Variants in FTO observed in about 807,000 individuals in gnomAD.
FTO encodes FTO alpha-ketoglutarate dependent dioxygenase, also known as alpha-ketoglutarate-dependent dioxygenase FTO.
In FTO, 47 loss-of-function variants were observed where a neutral mutation model predicts 63.9. The observed-to-expected ratio is 0.74, with a 90% confidence interval of 0.58 to 0.94. The LOEUF (loss-of-function observed/expected upper bound fraction) is 0.94. Among genes scored for constraint, FTO ranks in the 40% least tolerant of loss-of-function variants. FTO has a pLI of 0.00. For missense variants in FTO, 562 were observed against 618.1 expected (o/e 0.91, Z 0.96); for synonymous variants, 207 against 224.4 (o/e 0.92, Z 0.69).
At position 53,707,261 on chromosome 16, in the gene FTO, G is replaced by A. The variant is rs2075646927; in HGVS notation, c.45+3032G>A. ...TAGTGTCCCTGGTGTTCCTTGGCTT[G>A]TGGTAGCATCACTTCATAACTTCTC... On this transcript the variant is annotated intron_variant, in intron 1 of 8. Coordinates refer to ENST00000471389, the MANE Select transcript of FTO (RefSeq NM_001080432.3). 2.6e-5 allele frequency among the ~76,000 whole-genome samples: 4 copies of A among 152,250 alleles called. No homozygotes were observed. In the South Asian group the frequency reaches 8.3e-4, roughly 32 times the overall value.
At chr16:53,777,516 T>C (rs758971980) in intron 1 of FTO, among the ~76,000 whole-genome samples, 3 of 152,236 alleles carry the variant, frequency 2.0e-5, no homozygotes, top group Non-Finnish European at 4.4e-5. Flanking sequence ...TGATCTCTTT[T>C]GCACTTTGAA....
chr16:53,821,492 T>C (rs1380630531), intron 2 of FTO, among the ~76,000 whole-genome samples: 1 of 152,190 alleles, frequency 6.6e-6, no homozygotes, highest in Non-Finnish European at 1.5e-5. Context: ...AAATAGAAAG[T>C]ACGATATCAC....
intron 8 of FTO, among the ~76,000 whole-genome samples, chr16:54,074,042 T>C (rs969965956): frequency 1.3e-5 from 2 of 152,138 alleles, no homozygotes; most frequent in Non-Finnish European, 2.9e-5. Context: ...ATAAACTGTT[T>C]TATCAGGACT....
At chr16:53,725,086 A>G (rs967905048) in intron 1 of FTO, among the ~76,000 whole-genome samples, 1 of 152,176 alleles carries the variant, frequency 6.6e-6, no homozygotes, top group Non-Finnish European at 1.5e-5. Flanking sequence ...TAGGAATATG[A>G]GTACCATTAG....
chr16:53,891,501 A>G (rs955776273), intron 7 of FTO, among the ~76,000 whole-genome samples: 3 of 152,060 alleles, frequency 2.0e-5, no homozygotes, highest in African/African-American at 7.2e-5. Flanking sequence ...TCTCTACTAA[A>G]TTAAAAAAAA....
chr16:54,114,795 C>A lies in FTO; in HGVS notation c.*2880C>A, dbSNP rs2086960890. The A allele has an allele frequency of 1.3e-5, 2 of 152,506 alleles. No homozygotes were observed. Among genetic ancestry groups the A allele is most frequent in the Admixed American group, 1.3e-4 (2 of 15,276 alleles). The allele number at this position is 152,506 out of a possible 1,614,324, so 9.4% of individuals were successfully genotyped here. A position where few individuals can be genotyped will look rare whatever the true frequency, so the allele number is the denominator to read the frequency against. ...TGGTGTGTGCCTGTAATCCCAGCTA[C>A]TCGGGAGGCTGAGGCAGGCAAATCG... On this transcript the variant is annotated 3_prime_UTR_variant, in exon 9 of 9. Transcript: ENST00000471389.
At chr16:53,787,137 A>AAAAAAG (rs1165229483) in intron 1 of FTO, among the ~76,000 whole-genome samples, 3 of 147,874 alleles carry the variant, frequency 2.0e-5, no homozygotes, top group Admixed American at 6.8e-5. Context: ...AAAAAAAAAA[A>AAAAAAG]AAAAAGAAAA....
rs546092420 is a variant in FTO, at chr16:53,732,214, A to G, written c.45+27985A>G. The stretch of plus-strand genomic sequence containing the variant: ...CAGGCGCCCGCCACCACGCCCGGCT[A>G]ATTTCTTTTTGTATTTTTAGTAGAG... On this transcript the variant is annotated intron_variant, in intron 1 of 8. Coordinates refer to ENST00000471389, the MANE Select transcript of FTO (RefSeq NM_001080432.3). Among the ~76,000 whole-genome samples the G allele has an allele frequency of 7.3e-5, 11 of 151,518 alleles. No homozygotes were observed. The South Asian group carries it at 2.1e-3, about 29-fold the overall frequency.
chr16:53,988,398 A>C (rs17225582), intron 8 of FTO, among the ~76,000 whole-genome samples: 5,806 of 152,270 alleles, frequency 0.038, 193 homozygotes, highest in South Asian at 0.16. Flanking sequence ...AAGTTGGGCT[A>C]TGAAGAAAAA....
At position 53,908,550 on chromosome 16, in the gene FTO, G is replaced by A. The variant is rs74344719; in HGVS notation, c.1239+19599G>A. On this transcript the variant is annotated intron_variant, in intron 7 of 8. Coordinates refer to ENST00000471389, the MANE Select transcript of FTO (RefSeq NM_001080432.3). ...CTACCAGCCTTTTCCTGTCAGGAAG[G>A]TCTGGTGCCATCCTCTTTGATATTG... Among the ~76,000 whole-genome samples the A allele has an allele frequency of 9.2e-3, 1,397 of 152,334 alleles. 14 individuals are homozygous for A. The highest frequency in any genetic ancestry group is 0.016 in the Admixed American group (252 of 15,302).
intron 1 of FTO, among the ~76,000 whole-genome samples, chr16:53,747,082 C>G (rs2076668008): frequency 6.6e-6 from 1 of 152,126 alleles, no homozygotes; most frequent in South Asian, 2.1e-4. Flanking sequence ...GTATATATGT[C>G]ACATTTTCTT....
chr16:53,758,910 A>T (rs761754587), intron 1 of FTO, among the ~76,000 whole-genome samples: 12 of 59,318 alleles, frequency 2.0e-4, no homozygotes, highest in African/African-American at 3.4e-4. Flanking sequence ...TTATACATTT[A>T]AAAAAAAGTT....
intron 4 of FTO, among the ~76,000 whole-genome samples, chr16:53,862,521 T>C (rs1207728587): frequency 2.6e-5 from 4 of 151,574 alleles, no homozygotes; most frequent in Admixed American, 2.0e-4. Flanking sequence ...ATTATTCTTA[T>C]ATCTTTCTGT....
At chr16:54,065,630 G>A (rs1294883647) in intron 8 of FTO, among the ~76,000 whole-genome samples, 1 of 152,212 alleles carries the variant, frequency 6.6e-6, no homozygotes, top group East Asian at 1.9e-4. Context: ...CTTGCAGAGA[G>A]AAATTTCTTC....
chr16:53,869,114 G>A (rs968655651), intron 4 of FTO, among the ~76,000 whole-genome samples: 2 of 152,108 alleles, frequency 1.3e-5, no homozygotes, highest in African/African-American at 4.8e-5. Context: ...TTACAGACAT[G>A]AGCCACCACA....
chr16:53,773,008 G>C (rs1281101300), intron 1 of FTO, among the ~76,000 whole-genome samples: 1 of 151,918 alleles, frequency 6.6e-6, no homozygotes, highest in Non-Finnish European at 1.5e-5. Flanking sequence ...TAATTTTGAA[G>C]GAACTTTCTG....
chr16:54,002,165 A>G (rs2084083362), intron 8 of FTO, among the ~76,000 whole-genome samples: 1 of 152,180 alleles, frequency 6.6e-6, no homozygotes, highest in African/African-American at 2.4e-5. Context: ...GTTCCACTTT[A>G]GCCTCCTTAT....
intron 1 of FTO, among the ~76,000 whole-genome samples, chr16:53,739,228 C>T (rs369298366): frequency 4.7e-5 from 6 of 127,868 alleles, no homozygotes; most frequent in South Asian, 5.3e-4. Flanking sequence ...TTATTTGAGA[C>T]GGAGTCTCGC....
intron 1 of FTO, among the ~76,000 whole-genome samples, chr16:53,713,479 T>A (rs2151470822): frequency 6.6e-6 from 1 of 152,310 alleles, no homozygotes; most frequent in Non-Finnish European, 1.5e-5. Flanking sequence ...TCATTTACTC[T>A]TCTATTATAA....
Sources: allele counts gnomAD v4.1 joint callset (sites outside exome capture counted in the v4.1 genomes callset), GRCh38; gene constraint gnomAD v4.1.1; transcripts MANE v1.5; gene names NCBI Gene and HGNC (gene_info 2026-07-23, HGNC 2026-07-21).